Variants in FBXL20 observed in about 807,000 individuals in gnomAD.
FBXL20 encodes the protein F-box/LRR-repeat protein 20.
FBXL20 carries 11 observed loss-of-function variants against 64.0 expected under a neutral mutation model. The observed-to-expected ratio is 0.17, with a 90% CI of 0.11 to 0.28. The LOEUF is 0.28. FBXL20 is among the 10% of genes least tolerant of loss of function. The pLI is 1.00. For missense variants in FBXL20, 303 were observed against 526.2 expected (o/e 0.58, Z 4.15); for synonymous variants, 184 against 189.0 (o/e 0.97, Z 0.22).
In FBXL20 at chr17:39,340,914, G is replaced by C. The variant is rs1454832990; in HGVS notation, c.104+2266C>G. Among the ~76,000 whole-genome samples, 5 of 150,210 alleles carry C rather than the reference G, an allele frequency of 3.3e-5. No individual in the cohort carries two copies. The East Asian group carries it at 9.8e-4, about 29-fold the overall frequency. ...CCCCAAAGTGAATTTATTAAAATTT[G>C]TGCTGACCAATTGTTTTCTATCTAG... On this transcript the variant is annotated intron_variant, in intron 2 of 14. Transcript: ENST00000264658.
intron 10 of FBXL20, among the ~76,000 whole-genome samples, chr17:39,272,384 CAAAAAA>C (rs61446377): frequency 1.5e-5 from 2 of 130,926 alleles, no homozygotes; most frequent in Non-Finnish European, 3.2e-5. Context: ...GACTTTGTCT[CAAAAAA>C]AAAAAAAAAA....
Position 39,343,349 on chromosome 17 carries a change from G to C in FBXL20, c.43-108C>G. ...CTCAGGAAAGAGGTAAAAAAATATA[G>C]TCGGCATCATAAACCAAAGTCATAA... On this transcript the variant is annotated intron_variant, in intron 1 of 14. Coordinates refer to ENST00000264658, the MANE Select transcript of FBXL20 (RefSeq NM_032875.3). 5 of 725,862 alleles carry C rather than the reference G, an allele frequency of 6.9e-6. 1 individual carries two copies. Among genetic ancestry groups the C allele is most frequent in the Non-Finnish European group, 1.1e-5 (5 of 464,526 alleles). 45.0% of individuals were successfully genotyped at this position (725,862 alleles called of 1,614,324 possible). A position where few individuals can be genotyped will look rare whatever the true frequency, so the allele number is the denominator to read the frequency against.
At chr17:39,358,712 A>C (rs935313841) in intron 1 of FBXL20, among the ~76,000 whole-genome samples, 24 of 151,312 alleles carry the variant, frequency 1.6e-4, no homozygotes, top group African/African-American at 5.4e-4. Flanking sequence ...AAAAACAAAC[A>C]AAAAAAACAC....
chr17:39,363,724 T>C (rs548752206), intron 1 of FBXL20, among the ~76,000 whole-genome samples: 11 of 149,432 alleles, frequency 7.4e-5, no homozygotes, highest in South Asian at 2.1e-4. Flanking sequence ...GGTGAGAGGA[T>C]TGCTTAAGCC....
At chr17:39,393,277 G>A (rs375646061) in intron 1 of FBXL20, among the ~76,000 whole-genome samples, 177 of 151,612 alleles carry the variant, frequency 1.2e-3, no homozygotes, top group Non-Finnish European at 5.7e-4. Context: ...CAAGAAGAGC[G>A]AAACTGTCTC....
intron 2 of FBXL20, among the ~76,000 whole-genome samples, chr17:39,322,739 T>C (rs2047369349): frequency 1.3e-5 from 2 of 152,114 alleles, no homozygotes; most frequent in African/African-American, 4.8e-5. Context: ...GTAACCCACA[T>C]AGGAAATAAA....
Position 39,255,724 on chromosome 17 carries a change from T to A in FBXL20, c.*5736A>T, listed in dbSNP as rs1259291755. On this transcript the variant is annotated 3_prime_UTR_variant, in exon 15 of 15. Coordinates refer to ENST00000264658, the MANE Select transcript of FBXL20 (RefSeq NM_032875.3). Reference sequence around the variant, plus strand: ...CGGGCGTGGTGGCACAGGCTGTAATTCCAGCTACTCGGGAGGCTAAGGGAG... The same window carrying A: ...CGGGCGTGGTGGCACAGGCTGTAATACCAGCTACTCGGGAGGCTAAGGGAG... 1 of 151,330 alleles carries A rather than the reference T, an allele frequency of 6.6e-6. No homozygotes were observed. The highest frequency in any genetic ancestry group is 2.4e-5 in the African/African-American group (1 of 41,126). 9.4% of individuals were successfully genotyped at this position (151,330 alleles called of 1,614,324 possible).
intron 1 of FBXL20, among the ~76,000 whole-genome samples, chr17:39,385,235 G>A (rs147934750): frequency 4.1e-4 from 62 of 150,942 alleles, no homozygotes; most frequent in Middle Eastern, 3.5e-3. Context: ...AAACACACAC[G>A]CGCGTGCGTG....
At chr17:39,326,550 A>G (rs1367411943) in intron 2 of FBXL20, among the ~76,000 whole-genome samples, 2 of 151,754 alleles carry the variant, frequency 1.3e-5, no homozygotes, top group South Asian at 2.1e-4. Context: ...GAGACTGGGA[A>G]TATCAAGGCT....
chr17:39,288,116 A>C (rs2047005493), intron 6 of FBXL20, among the ~76,000 whole-genome samples: 1 of 151,746 alleles, frequency 6.6e-6, no homozygotes. Context: ...GGCGCACACC[A>C]ACACACCCAG....
At chr17:39,292,097 G>A (rs971718590) in intron 6 of FBXL20, among the ~76,000 whole-genome samples, 1 of 150,514 alleles carries the variant, frequency 6.6e-6, no homozygotes, top group Admixed American at 6.6e-5. Flanking sequence ...GATGCTTTTT[G>A]GTGTAGCAAT....
At chr17:39,330,927 G>A (rs2047454177) in intron 2 of FBXL20, among the ~76,000 whole-genome samples, 1 of 152,146 alleles carries the variant, frequency 6.6e-6, no homozygotes, top group South Asian at 2.1e-4. Context: ...AATTTGCCAG[G>A]CAAGCCTTTA....
At chr17:39,296,815 G>C (rs1010523515) in intron 6 of FBXL20, among the ~76,000 whole-genome samples, 1 of 152,076 alleles carries the variant, frequency 6.6e-6, no homozygotes, top group African/African-American at 2.4e-5. Context: ...TATGTTTACT[G>C]TGGCTTTTAA....
chr17:39,299,088 T>A lies in FBXL20; in HGVS notation c.235-4A>T. ...AAATATTCTCCACTACTCGGCCCTG[T>A]AAAATGAGACAGGCAAACAAAAAGA... On this transcript the variant is annotated splice_polypyrimidine_tract_variant and splice_region_variant and intron_variant, in intron 4 of 14. Transcript: ENST00000264658. 6.2e-7 allele frequency: 1 copy of A among 1,600,494 alleles called. No homozygotes were observed. The highest frequency in any genetic ancestry group is 8.5e-7 in the Non-Finnish European group (1 of 1,173,626).
chr17:39,262,862 C>T (rs193006726), intron 14 of FBXL20, among the ~76,000 whole-genome samples: 29 of 151,886 alleles, frequency 1.9e-4, no homozygotes, highest in Admixed American at 1.6e-3. Context: ...ATTAGCCGGG[C>T]GTGGTGGCAT....
At chr17:39,341,465 A>T (rs2047582482) in intron 2 of FBXL20, among the ~76,000 whole-genome samples, 2 of 152,226 alleles carry the variant, frequency 1.3e-5, no homozygotes, top group Non-Finnish European at 2.9e-5. Flanking sequence ...TGAGAGGCAG[A>T]GGTCATGCTG....
intron 2 of FBXL20, among the ~76,000 whole-genome samples, chr17:39,316,858 G>A (rs1399305440): frequency 6.6e-6 from 1 of 152,174 alleles, no homozygotes; most frequent in Non-Finnish European, 1.5e-5. Flanking sequence ...GCATGGTGCT[G>A]GGCGCCTGTA....
chr17:39,304,870 C>T lies in FBXL20; in HGVS notation c.105-1231G>A, dbSNP rs374391042. On this transcript the variant is annotated intron_variant, in intron 2 of 14. Transcript: ENST00000264658. ...GATCTCGGTTCAAGTGGTTGTCGTGCCTCAGCCTACCAACTAGCTGGGATT... is the reference window on the plus strand; with the variant it reads ...GATCTCGGTTCAAGTGGTTGTCGTGTCTCAGCCTACCAACTAGCTGGGATT... 8.0e-4 allele frequency among the ~76,000 whole-genome samples: 122 copies of T among 152,148 alleles called. 1 individual carries two copies. The highest frequency in any genetic ancestry group is 2.9e-3 in the African/African-American group (119 of 41,490).
chr17:39,261,481 G>A lies in FBXL20; in HGVS notation c.1290C>T (p.Cys430=), dbSNP rs756012115. ...PSVGGSRQRF[C]RCCIIL Reference sequence around the variant, plus strand: ...ATTGTCATAGGATGATGCAGCATCTGCAGAAGCGCTGTCTGCTGCCCCCTA... The same window carrying A: ...ATTGTCATAGGATGATGCAGCATCTACAGAAGCGCTGTCTGCTGCCCCCTA... The change falls in exon 15 of 15, where the codon TGC becomes TGT. Residue 430 remains cysteine (C), a synonymous_variant. Transcript: ENST00000264658. 9.3e-6 allele frequency: 15 copies of A among 1,613,686 alleles called. No individual in the cohort carries two copies. In the South Asian group the frequency reaches 1.5e-4, roughly 17 times the overall value.
Sources: gnomAD v4.1 joint callset for allele counts (sites outside exome capture counted in the v4.1 genomes callset) on GRCh38, gnomAD v4.1.1 for gene constraint, MANE v1.5 for transcripts, NCBI Gene and HGNC (gene_info 2026-07-23, HGNC 2026-07-21) for gene names.